Variants in PRKCE observed in about 807,000 individuals in gnomAD.
PRKCE encodes protein kinase C epsilon.
PRKCE carries 16 observed loss-of-function variants against 85.4 expected under a neutral mutation model. The ratio of observed to expected loss-of-function variants is 0.19; its 90% CI spans 0.13 to 0.28. The LOEUF (loss-of-function observed/expected upper bound fraction) is 0.28. Ranked by LOEUF, PRKCE falls within the 10% of genes least tolerant of loss-of-function variation. The pLI is 1.00. For missense variants in PRKCE, 573 were observed against 975.2 expected, an observed-to-expected ratio of 0.59 and a Z score of 5.49; for synonymous variants, 388 against 371.5, an observed-to-expected ratio of 1.04 and a Z score of -0.51.
At chr2:45,753,378 C>T (rs144910103) in intron 1 of PRKCE, among the ~76,000 whole-genome samples, 51 of 152,326 alleles carry the variant, frequency 3.3e-4, no homozygotes, top group African/African-American at 1.2e-3. Flanking sequence ...TTATGGAGAA[C>T]TTTACATCTT....
intron 2 of PRKCE, among the ~76,000 whole-genome samples, chr2:45,848,700 T>C (rs1319841691): frequency 7.4e-6 from 1 of 134,866 alleles, no homozygotes; most frequent in South Asian, 2.6e-4. Flanking sequence ...AAATGGGAGA[T>C]GGCATTCACA....
chr2:46,166,722 G>T (rs920886110), intron 14 of PRKCE: 1 of 152,226 alleles, frequency 6.6e-6, no homozygotes, highest in Non-Finnish European at 1.5e-5. Flanking sequence ...TGGGTACTGT[G>T]GTTCATACCT....
At chr2:45,718,834 C>T (rs1348002609) in intron 1 of PRKCE, among the ~76,000 whole-genome samples, 1 of 152,042 alleles carries the variant, frequency 6.6e-6, no homozygotes, top group Non-Finnish European at 1.5e-5. Flanking sequence ...ATCTGGAGCT[C>T]CAAGGAACAC....
intron 11 of PRKCE, among the ~76,000 whole-genome samples, chr2:46,144,319 A>G (rs1675856295): frequency 6.6e-6 from 1 of 152,114 alleles, no homozygotes; most frequent in African/African-American, 2.4e-5. Flanking sequence ...TTACAAATGC[A>G]TTGTGCTCAT....
intron 14 of PRKCE, among the ~76,000 whole-genome samples, chr2:46,160,229 G>A (rs565942601): frequency 6.6e-6 from 1 of 152,318 alleles, no homozygotes; most frequent in South Asian, 2.1e-4. Context: ...GTGCTGGGGG[G>A]AGCTTCTGGG....
In PRKCE at chr2:45,821,521, A is replaced by C. The variant is rs542163254; in HGVS notation, c.349-21479A>C. On this transcript the variant is annotated intron_variant, in intron 1 of 14. Transcript: ENST00000306156. ...ACAACCCAGTTGACCCTCAATGCCC[A>C]AGGGGTGTCTCAGAGGGAGACTGCT... Among the ~76,000 whole-genome samples, 9 of 152,256 alleles carry C rather than the reference A, an allele frequency of 5.9e-5. No individual in the cohort carries two copies. The East Asian group carries it at 1.7e-3, about 29-fold the overall frequency.
At chr2:45,728,238 G>C (rs2104522928) in intron 1 of PRKCE, among the ~76,000 whole-genome samples, 1 of 152,302 alleles carries the variant, frequency 6.6e-6, no homozygotes, top group African/African-American at 2.4e-5. Context: ...TGGCTTCAAA[G>C]GGCAAAGGAT....
At chr2:46,016,856 C>T (rs1319102893) in intron 10 of PRKCE, among the ~76,000 whole-genome samples, 1 of 150,226 alleles carries the variant, frequency 6.7e-6, no homozygotes, top group Admixed American at 6.7e-5. Context: ...TTGCAGTGAG[C>T]CGAGATCGTC....
intron 1 of PRKCE, among the ~76,000 whole-genome samples, chr2:45,767,240 C>G (rs901575863): frequency 6.6e-6 from 1 of 152,046 alleles, no homozygotes; most frequent in Non-Finnish European, 1.5e-5. Flanking sequence ...ATTAGCCCAA[C>G]CCTCTAACTT....
intron 2 of PRKCE, among the ~76,000 whole-genome samples, chr2:45,856,330 G>A (rs758612219): frequency 3.3e-5 from 5 of 151,974 alleles, no homozygotes; most frequent in Non-Finnish European, 5.9e-5. Flanking sequence ...TCTCAGGTTC[G>A]AGTAATTCTC....
At chr2:45,808,468 C>G (rs1191264181) in intron 1 of PRKCE, among the ~76,000 whole-genome samples, 1 of 152,214 alleles carries the variant, frequency 6.6e-6, no homozygotes, top group Non-Finnish European at 1.5e-5. Flanking sequence ...GGAAACTCAA[C>G]AGGTGTTGCT....
intron 2 of PRKCE, among the ~76,000 whole-genome samples, chr2:45,908,431 G>A (rs375487001): frequency 3.3e-5 from 5 of 152,178 alleles, no homozygotes; most frequent in African/African-American, 9.7e-5. Flanking sequence ...GACTGGAAGC[G>A]ACTGCTCCAC....
At chr2:45,953,596 G>A (rs563153010) in intron 2 of PRKCE, among the ~76,000 whole-genome samples, 85 of 152,278 alleles carry the variant, frequency 5.6e-4, no homozygotes, top group African/African-American at 2.0e-3. Flanking sequence ...GAAAGTCACC[G>A]GCTTGATCAG....
intron 2 of PRKCE, among the ~76,000 whole-genome samples, chr2:45,893,917 T>C (rs890783140): frequency 6.6e-6 from 1 of 152,160 alleles, no homozygotes; most frequent in African/African-American, 2.4e-5. Context: ...GCTGGGGCTC[T>C]ATGGCCACAA....
At chr2:46,009,434 T>C (rs1158372086) in intron 9 of PRKCE, among the ~76,000 whole-genome samples, 1 of 152,222 alleles carries the variant, frequency 6.6e-6, no homozygotes, top group Non-Finnish European at 1.5e-5. Context: ...AAACAGTTAA[T>C]TTTAAAGTTT....
intron 2 of PRKCE, among the ~76,000 whole-genome samples, chr2:45,959,846 C>T (rs770432825): frequency 9.2e-5 from 14 of 152,184 alleles, no homozygotes; most frequent in Non-Finnish European, 5.9e-5. Context: ...CTTATGTTCC[C>T]TGGCATGTGT....
intron 1 of PRKCE, among the ~76,000 whole-genome samples, chr2:45,732,845 C>T (rs1681699243): frequency 6.6e-6 from 1 of 152,166 alleles, no homozygotes. Context: ...TCTGAGTTCT[C>T]CTAAAGATGG....
chr2:46,075,729 A>G (rs1668500747), intron 10 of PRKCE, among the ~76,000 whole-genome samples: 1 of 152,220 alleles, frequency 6.6e-6, no homozygotes. Context: ...AGCCTGGGCA[A>G]CAGAGTGAGG....
chr2:45,702,142 T>G (rs1311591840), intron 1 of PRKCE, among the ~76,000 whole-genome samples: 2 of 152,042 alleles, frequency 1.3e-5, no homozygotes, highest in African/African-American at 4.8e-5. Context: ...TGAGCTGAGA[T>G]CGCACCACTG....
Sources: gnomAD v4.1 joint callset for allele counts (sites outside exome capture counted in the v4.1 genomes callset) on GRCh38, gnomAD v4.1.1 for gene constraint, MANE v1.5 for transcripts, NCBI Gene and HGNC (gene_info 2026-07-23, HGNC 2026-07-21) for gene names.